Variants in DRC8 observed in about 807,000 individuals in gnomAD.
The protein encoded by DRC8 is dynein regulatory complex subunit 8, also known as dynein regulatory complex protein 8.
chr1:244,984,135 G>T, the DRC8 span, among the ~76,000 whole-genome samples: 1,268 of 151,768 alleles, frequency 8.4e-3, 20 homozygotes, highest in African/African-American at 0.029. Flanking sequence ...TTTTGGGGGG[G>T]GGGAATAATT....
the DRC8 span, among the ~76,000 whole-genome samples, chr1:245,104,884 T>G: frequency 1.1e-4 from 16 of 152,356 alleles, no homozygotes; most frequent in South Asian, 3.1e-3. Flanking sequence ...CCAATCAGGA[T>G]CCAAACAAGG....
the DRC8 span, among the ~76,000 whole-genome samples, chr1:245,007,903 G>A: frequency 6.6e-6 from 1 of 152,168 alleles, no homozygotes; most frequent in African/African-American, 2.4e-5. Context: ...AGTGGCTCAC[G>A]TGTGTAATCC....
chr1:244,972,609 A>T, the DRC8 span, among the ~76,000 whole-genome samples: 20 of 152,300 alleles, frequency 1.3e-4, no homozygotes, highest in East Asian at 3.9e-3. Flanking sequence ...TCACGAGGTC[A>T]AGAGATCGAG....
the DRC8 span, chr1:244,971,131 C>A: frequency 6.6e-6 from 1 of 152,446 alleles, no homozygotes; most frequent in Non-Finnish European, 1.5e-5. Context: ...CCGCTGCCTC[C>A]GAGCTTCCCG....
At chr1:245,013,522 G>A in the DRC8 span, among the ~76,000 whole-genome samples, 1 of 151,956 alleles carries the variant, frequency 6.6e-6, no homozygotes, top group Non-Finnish European at 1.5e-5. Context: ...GAATTGGGCA[G>A]GATTGTTCAA....
At chr1:245,060,591 A>G in the DRC8 span, among the ~76,000 whole-genome samples, 1 of 122,108 alleles carries the variant, frequency 8.2e-6, no homozygotes, top group African/African-American at 3.8e-5. Flanking sequence ...GCTCACATTA[A>G]AAAAAGATAC....
chr1:245,106,431 A>G, the DRC8 span, among the ~76,000 whole-genome samples: 2 of 152,160 alleles, frequency 1.3e-5, no homozygotes, highest in Non-Finnish European at 2.9e-5. Flanking sequence ...GAATTCCATA[A>G]TAATTCTGAA....
the DRC8 span, among the ~76,000 whole-genome samples, chr1:244,986,646 A>T: frequency 6.6e-6 from 1 of 150,736 alleles, no homozygotes; most frequent in African/African-American, 2.4e-5. Flanking sequence ...AGGTGGGAGG[A>T]TTGCTTGAGC....
At chr1:245,087,640 C>T in the DRC8 span, 4 of 1,055,262 alleles carry the variant, frequency 3.8e-6, no homozygotes, top group Non-Finnish European at 4.6e-6. Context: ...AAACTCAGGT[C>T]ACCTTCGAAT....
the DRC8 span, among the ~76,000 whole-genome samples, chr1:245,041,543 C>G: frequency 6.6e-6 from 1 of 152,000 alleles, no homozygotes; most frequent in African/African-American, 2.4e-5. Flanking sequence ...TTGGTGGTGG[C>G]AGTAAGTTGT....
At chr1:244,971,560 A>G in the DRC8 span, among the ~76,000 whole-genome samples, 1 of 152,144 alleles carries the variant, frequency 6.6e-6, no homozygotes, top group East Asian at 1.9e-4. Context: ...AAAATATCCA[A>G]AAAGCCATGA....
At chr1:245,058,224 A>G in the DRC8 span, among the ~76,000 whole-genome samples, 4 of 152,254 alleles carry the variant, frequency 2.6e-5, no homozygotes, top group East Asian at 7.7e-4. Flanking sequence ...CCTGGACAAC[A>G]AAAGCAAGAC....
the DRC8 span, among the ~76,000 whole-genome samples, chr1:244,994,783 C>T: frequency 2.0e-5 from 3 of 152,076 alleles, no homozygotes; most frequent in African/African-American, 7.2e-5. Context: ...TAAGACTCAC[C>T]CTCAAACTTT....
At chr1:245,110,137 C>G in the DRC8 span, among the ~76,000 whole-genome samples, 2 of 152,134 alleles carry the variant, frequency 1.3e-5, no homozygotes, top group African/African-American at 4.8e-5. Context: ...AATCCCAGCA[C>G]TTTGGGAGGC....
At chr1:245,054,775 C>T in the DRC8 span, among the ~76,000 whole-genome samples, 20 of 152,322 alleles carry the variant, frequency 1.3e-4, no homozygotes, top group Middle Eastern at 3.4e-3. Flanking sequence ...TCCTGCACTT[C>T]GCACTCTTAT....
chr1:245,016,043 G>A, the DRC8 span, among the ~76,000 whole-genome samples: 4 of 143,952 alleles, frequency 2.8e-5, no homozygotes, highest in Admixed American at 2.2e-4. Context: ...GTGCAATGGC[G>A]CAATCTCGGC....
the DRC8 span, among the ~76,000 whole-genome samples, chr1:245,078,032 T>TA: frequency 7.9e-5 from 12 of 151,602 alleles, no homozygotes; most frequent in African/African-American, 2.4e-4. Flanking sequence ...ACGACCTAAT[T>TA]AAAAAAAACG....
chr1:245,038,175 A>T, the DRC8 span, among the ~76,000 whole-genome samples: 1 of 152,210 alleles, frequency 6.6e-6, no homozygotes, highest in African/African-American at 2.4e-5. Flanking sequence ...GAAAACTCTG[A>T]TAAAGAGTAA....
chr1:245,047,576 A>G, the DRC8 span, among the ~76,000 whole-genome samples: 1 of 149,992 alleles, frequency 6.7e-6, no homozygotes, highest in African/African-American at 2.4e-5. Flanking sequence ...TGGAGGTTGT[A>G]GAGAGCTGAG....
Sources: gnomAD v4.1 joint callset for allele counts (sites outside exome capture counted in the v4.1 genomes callset) on GRCh38, gnomAD v4.1.1 for gene constraint, MANE v1.5 for transcripts, NCBI Gene and HGNC (gene_info 2026-07-23, HGNC 2026-07-21) for gene names.